The following RSRC1 variants were observed in gnomAD, a reference collection of about 807,000 sequenced individuals.
RSRC1 encodes arginine and serine rich coiled-coil 1.
In RSRC1, 39 loss-of-function variants were observed where a neutral mutation model predicts 49.1. The observed-to-expected ratio is 0.79, with a 90% CI of 0.61 to 1.04. RSRC1 has a LOEUF of 1.04. Among genes scored for constraint, RSRC1 ranks in the 50% least tolerant of loss-of-function variants. RSRC1 has a pLI of 0.00. For missense variants in RSRC1, 388 were observed against 402.4 expected (o/e 0.96, Z 0.31); for synonymous variants, 143 against 130.8 (o/e 1.09, Z -0.63).
chr3:158,489,173 A>G (rs1560063078), intron 7 of RSRC1, among the ~76,000 whole-genome samples: 1 of 152,240 alleles, frequency 6.6e-6, no homozygotes, highest in African/African-American at 2.4e-5. Flanking sequence ...CATACATAAA[A>G]GGTTTTTTCC....
chr3:158,470,806 C>A (rs554899304), intron 7 of RSRC1, among the ~76,000 whole-genome samples: 57 of 152,252 alleles, frequency 3.7e-4, no homozygotes, highest in African/African-American at 1.3e-3. Flanking sequence ...CAATCGAAAT[C>A]ATCTCCAACG....
chr3:158,120,457 A>G (rs979705941), intron 1 of RSRC1, among the ~76,000 whole-genome samples: 1 of 151,122 alleles, frequency 6.6e-6, no homozygotes, highest in Non-Finnish European at 1.5e-5. Context: ...GCAGTAATTT[A>G]ACATATTATA....
intron 3 of RSRC1, among the ~76,000 whole-genome samples, chr3:158,154,131 G>A (rs1717710249): frequency 6.6e-6 from 1 of 152,132 alleles, no homozygotes; most frequent in South Asian, 2.1e-4. Context: ...AGTGCATATA[G>A]AAGTTATGTT....
chr3:158,286,721 C>G (rs1726585013), intron 4 of RSRC1, among the ~76,000 whole-genome samples: 1 of 152,014 alleles, frequency 6.6e-6, no homozygotes, highest in South Asian at 2.1e-4. Context: ...AATAGGAGAA[C>G]AGAAGTTAAA....
At chr3:158,401,906 A>G (rs1318238825) in intron 6 of RSRC1, among the ~76,000 whole-genome samples, 1 of 151,750 alleles carries the variant, frequency 6.6e-6, no homozygotes, top group Non-Finnish European at 1.5e-5. Context: ...TGTAGATAAC[A>G]TGGCAGTGTG....
chr3:158,284,837 G>A (rs1435231027), intron 4 of RSRC1, among the ~76,000 whole-genome samples: 3 of 149,502 alleles, frequency 2.0e-5, no homozygotes, highest in African/African-American at 7.3e-5. Flanking sequence ...CTCCCATTTT[G>A]TAGGTTGCCT....
chr3:158,150,644 G>GGGTT (rs1406690581), intron 3 of RSRC1, among the ~76,000 whole-genome samples: 1 of 152,100 alleles, frequency 6.6e-6, no homozygotes, highest in Non-Finnish European at 1.5e-5. Context: ...CTATAAGAGA[G>GGGTT]GGTTGTTCCT....
intron 5 of RSRC1, among the ~76,000 whole-genome samples, chr3:158,310,678 A>G (rs59908512): frequency 0.034 from 5,153 of 151,848 alleles, 312 homozygotes; most frequent in African/African-American, 0.12. Context: ...ATGTTTTAAA[A>G]TAACACAAAT....
At chr3:158,223,563 C>T (rs1722342803) in intron 4 of RSRC1, among the ~76,000 whole-genome samples, 1 of 149,522 alleles carries the variant, frequency 6.7e-6, no homozygotes, top group South Asian at 2.1e-4. Flanking sequence ...CATCATTTTG[C>T]CACCTGATCT....
At chr3:158,208,626 C>T (rs1481356367) in intron 4 of RSRC1, among the ~76,000 whole-genome samples, 4 of 152,162 alleles carry the variant, frequency 2.6e-5, no homozygotes, top group African/African-American at 9.6e-5. Context: ...TGGCTTTGGC[C>T]TTCCAAAGCA....
At chr3:158,517,952 T>TA (rs904529415) in intron 7 of RSRC1, among the ~76,000 whole-genome samples, 30 of 149,554 alleles carry the variant, frequency 2.0e-4, no homozygotes, top group African/African-American at 6.6e-4. Context: ...AAAATGTTAT[T>TA]AATTATATTA....
At chr3:158,473,550 T>A (rs1248984405) in intron 7 of RSRC1, among the ~76,000 whole-genome samples, 2 of 151,790 alleles carry the variant, frequency 1.3e-5, no homozygotes, top group East Asian at 3.9e-4. Flanking sequence ...CATTAGGAGA[T>A]ATACCTAATG....
At chr3:158,443,990 A>C (rs1291060362) in intron 6 of RSRC1, among the ~76,000 whole-genome samples, 1 of 152,164 alleles carries the variant, frequency 6.6e-6, no homozygotes, top group Non-Finnish European at 1.5e-5. Flanking sequence ...TTATCAATTA[A>C]GTTAATTGCC....
intron 5 of RSRC1, among the ~76,000 whole-genome samples, chr3:158,308,385 A>G (rs903108893): frequency 6.6e-6 from 1 of 151,920 alleles, no homozygotes; most frequent in African/African-American, 2.4e-5. Flanking sequence ...TTATTACTCT[A>G]ATGATTCCAT....
At chr3:158,353,562 G>T (rs182300182) in intron 5 of RSRC1, among the ~76,000 whole-genome samples, 13 of 152,218 alleles carry the variant, frequency 8.5e-5, no homozygotes, top group East Asian at 7.7e-4. Flanking sequence ...GATATAATAC[G>T]TTCTCCCAGT....
At chr3:158,368,148 T>G (rs1309277934) in intron 6 of RSRC1, among the ~76,000 whole-genome samples, 1 of 152,232 alleles carries the variant, frequency 6.6e-6, no homozygotes, top group African/African-American at 2.4e-5. Context: ...GAGGGTGATA[T>G]GTTTAAGCCT....
chr3:158,212,294 C>G (rs1721718632), intron 4 of RSRC1, among the ~76,000 whole-genome samples: 1 of 151,530 alleles, frequency 6.6e-6, no homozygotes, highest in South Asian at 2.1e-4. Flanking sequence ...CTTTTTTGTA[C>G]TACCCCATTT....
At chr3:158,299,236 A>G (rs1372524465) in intron 5 of RSRC1, among the ~76,000 whole-genome samples, 3 of 152,202 alleles carry the variant, frequency 2.0e-5, no homozygotes, top group Non-Finnish European at 4.4e-5. Flanking sequence ...AGTTTGTAAC[A>G]TCACATTCCA....
chr3:158,510,746 T>C (rs769098359), intron 7 of RSRC1, among the ~76,000 whole-genome samples: 1 of 152,206 alleles, frequency 6.6e-6, no homozygotes, highest in Non-Finnish European at 1.5e-5. Flanking sequence ...TAGGTTTTAT[T>C]CATCCTTTCT....
Sources: gnomAD v4.1 joint callset for allele counts (sites outside exome capture counted in the v4.1 genomes callset) on GRCh38, gnomAD v4.1.1 for gene constraint, MANE v1.5 for transcripts, NCBI Gene and HGNC (gene_info 2026-07-23, HGNC 2026-07-21) for gene names.